NCAM1: variants seen among roughly 807,000 people sequenced by gnomAD.
The protein encoded by NCAM1 is antigen recognized by monoclonal antibody 5.1H11.
NCAM1 carries 14 observed loss-of-function variants against 109.8 expected under a neutral mutation model. That is an observed-to-expected ratio of 0.13 (90% CI 0.08 to 0.20). NCAM1 has a LOEUF of 0.20. NCAM1 is among the 10% of genes least tolerant of loss of function. NCAM1 has a pLI of 1.00. For synonymous variants in NCAM1, 418 were observed against 442.9 expected, an observed-to-expected ratio of 0.94 and a Z score of 0.70; for missense variants, 774 against 1,109.9, an observed-to-expected ratio of 0.70 and a Z score of 4.30.
At chr11:113,167,525 GT>G (rs782039239) in intron 1 of NCAM1, among the ~76,000 whole-genome samples, 29,711 of 121,666 alleles carry the variant, frequency 0.24, 3,643 homozygotes, top group East Asian at 0.42. Flanking sequence ...GCAGAAACGT[GT>G]TTTTTTTTTT....
intron 1 of NCAM1, among the ~76,000 whole-genome samples, chr11:113,167,525 G>GTTTT (rs782039239): frequency 8.2e-6 from 1 of 121,912 alleles, no homozygotes; most frequent in African/African-American, 2.8e-5. Context: ...GCAGAAACGT[G>GTTTT]TTTTTTTTTT....
chr11:113,187,083 AG>A, intron 1 of NCAM1, among the ~76,000 whole-genome samples: 1 of 152,314 alleles, frequency 6.6e-6, no homozygotes, highest in African/African-American at 2.4e-5. Flanking sequence ...TATCTAAGGG[AG>A]TTCCCCAGGT....
intron 1 of NCAM1, among the ~76,000 whole-genome samples, chr11:112,976,603 G>A (rs894625076): frequency 2.0e-5 from 3 of 151,824 alleles, no homozygotes; most frequent in Admixed American, 2.0e-4. Flanking sequence ...ATGACTTGTT[G>A]ATGTTCTTGA....
At position 113,186,397 on chromosome 11, in the gene NCAM1, T is replaced by A. The variant is rs1461334048; in HGVS notation, c.53-15982T>A. On this transcript the variant is annotated intron_variant, in intron 1 of 19. Coordinates refer to ENST00000316851, the MANE Select transcript of NCAM1 (RefSeq NM_181351.5). ...CACCTCCCAACCCTCTGCCGGTCCATGGAAAAATTGTCTTCCATGAAACTT... is the reference window on the plus strand; with the variant it reads ...CACCTCCCAACCCTCTGCCGGTCCAAGGAAAAATTGTCTTCCATGAAACTT... Among the ~76,000 whole-genome samples, 3 of 152,334 alleles carry A rather than the reference T, an allele frequency of 2.0e-5. No homozygotes were observed. The East Asian group carries it at 5.8e-4, about 29-fold the overall frequency.
At chr11:113,238,095 T>C (rs973853148) in intron 14 of NCAM1, among the ~76,000 whole-genome samples, 7 of 152,024 alleles carry the variant, frequency 4.6e-5, no homozygotes, top group African/African-American at 1.7e-4. Flanking sequence ...CCAGACCTTG[T>C]TGTTTATTGT....
At chr11:113,113,446 ATAT>A (rs1940541109) in intron 1 of NCAM1, among the ~76,000 whole-genome samples, 1 of 152,176 alleles carries the variant, frequency 6.6e-6, no homozygotes, top group Non-Finnish European at 1.5e-5. Context: ...CTCTGGAATT[ATAT>A]ATAATTTCCT....
At chr11:113,000,847 T>TATATATACAC (rs1306306918) in intron 1 of NCAM1, among the ~76,000 whole-genome samples, 3 of 113,578 alleles carry the variant, frequency 2.6e-5, no homozygotes, top group African/African-American at 1.1e-4. Flanking sequence ...TATATATATA[T>TATATATACAC]ACACAAAAAA....
intron 16 of NCAM1, among the ~76,000 whole-genome samples, chr11:113,257,558 A>G (rs1591465613): frequency 6.6e-6 from 1 of 152,182 alleles, no homozygotes; most frequent in African/African-American, 2.4e-5. Context: ...GACATCTCCA[A>G]CCATGTCGGA....
intron 15 of NCAM1, among the ~76,000 whole-genome samples, chr11:113,250,926 T>G (rs1326359414): frequency 6.6e-6 from 1 of 152,190 alleles, no homozygotes; most frequent in Non-Finnish European, 1.5e-5. Context: ...GCCTCCTGCG[T>G]AGCTGGGATT....
Position 113,213,690 on chromosome 11 carries a change from G to A in NCAM1, c.917-679G>A, listed in dbSNP as rs1944451388. Among the ~76,000 whole-genome samples the A allele has an allele frequency of 2.6e-5, 4 of 152,278 alleles. No individual in the cohort carries two copies. The South Asian group carries it at 8.3e-4, about 32-fold the overall frequency. On this transcript the variant is annotated intron_variant, in intron 7 of 19. Transcript: ENST00000316851. ...ATCTGTCTCAAAGCTTCTCTTTGCT[G>A]TTTCCCCTCAAACAACCTTGTTCAG...
At chr11:113,090,229 T>A (rs1231887883) in intron 1 of NCAM1, among the ~76,000 whole-genome samples, 1 of 152,198 alleles carries the variant, frequency 6.6e-6, no homozygotes, top group Non-Finnish European at 1.5e-5. Flanking sequence ...AGGAAAAAAC[T>A]GTTGGTTGTT....
Position 113,274,444 on chromosome 11 carries a change from C to T in NCAM1, c.2457-823C>T, listed in dbSNP as rs1279211113. Among the ~76,000 whole-genome samples the T allele has an allele frequency of 1.3e-5, 2 of 152,208 alleles. No homozygotes were observed. Among genetic ancestry groups the T allele is most frequent in the Non-Finnish European group, 2.9e-5 (2 of 68,034 alleles). On this transcript the variant is annotated intron_variant, in intron 19 of 19. Coordinates refer to ENST00000316851, the MANE Select transcript of NCAM1 (RefSeq NM_181351.5). This position sits in a 1 kb window ranked among gnomAD's most constrained non-coding sequence, Gnocchi z 4.1. ...GGGTCTGTGCCTGTCCCCATGCATC[C>T]TCAGACCCGACTCCCTTTCCTGGAA...
chr11:113,040,425 G>A (rs1953034674), intron 1 of NCAM1, among the ~76,000 whole-genome samples: 2 of 152,174 alleles, frequency 1.3e-5, no homozygotes, highest in African/African-American at 4.8e-5. Context: ...AACATTTTCA[G>A]TAATGGGCAA....
chr11:113,182,224 G>T (rs1364387699), intron 1 of NCAM1, among the ~76,000 whole-genome samples: 1 of 152,122 alleles, frequency 6.6e-6, no homozygotes, highest in Non-Finnish European at 1.5e-5. Flanking sequence ...AGTCTGTCTC[G>T]TTCTCTATTT....
At chr11:113,010,804 G>T (rs1396187834) in intron 1 of NCAM1, among the ~76,000 whole-genome samples, 1 of 152,134 alleles carries the variant, frequency 6.6e-6, no homozygotes, top group South Asian at 2.1e-4. Flanking sequence ...CACATGAAAA[G>T]TTACATGACA....
chr11:113,234,175 C>G (rs1266522147), intron 13 of NCAM1, among the ~76,000 whole-genome samples: 1 of 151,136 alleles, frequency 6.6e-6, no homozygotes, highest in Non-Finnish European at 1.5e-5. Context: ...AGAAAGCAAT[C>G]ACTTTGCCTT....
At chr11:113,202,165 C>T (rs1944081677) in intron 1 of NCAM1, among the ~76,000 whole-genome samples, 2 of 152,214 alleles carry the variant, frequency 1.3e-5, no homozygotes, top group Admixed American at 1.3e-4. Context: ...GGCCGTGTCT[C>T]TCTCTGGCTG....
intron 1 of NCAM1, among the ~76,000 whole-genome samples, chr11:113,142,641 G>A (rs992137692): frequency 2.0e-5 from 3 of 152,062 alleles, no homozygotes; most frequent in Non-Finnish European, 4.4e-5. Flanking sequence ...ACCTACCTTT[G>A]ACTGCAGTCC....
chr11:113,164,818 T>C (rs1008139226), intron 1 of NCAM1, among the ~76,000 whole-genome samples: 8 of 152,082 alleles, frequency 5.3e-5, no homozygotes, highest in Non-Finnish European at 1.2e-4. Flanking sequence ...GATCCATTAT[T>C]AATTCAATCT....
Sources: allele counts gnomAD v4.1 joint callset (sites outside exome capture counted in the v4.1 genomes callset), GRCh38; gene constraint gnomAD v4.1.1; non-coding constraint Gnocchi (gnomAD v3.1); transcripts MANE v1.5; gene names NCBI Gene and HGNC (gene_info 2026-07-23, HGNC 2026-07-21).